POLN: variants seen among roughly 807,000 people sequenced by gnomAD.
POLN encodes DNA polymerase nu.
Under a neutral mutation model 113.5 loss-of-function variants are expected in POLN, and 108 were observed. The ratio of observed to expected loss-of-function variants is 0.95; its 90% CI spans 0.81 to 1.12. The LOEUF (loss-of-function observed/expected upper bound fraction) is 1.12. Ranked by LOEUF, POLN falls within the 50% of genes most tolerant of loss-of-function variation. POLN has a pLI of 0.00. For synonymous variants in POLN, 386 were observed against 391.5 expected (o/e 0.99, Z 0.17); for missense variants, 1,097 against 1,077.1 (o/e 1.02, Z -0.26).
intron 23 of POLN, chr4:2,080,372 C>T: frequency 2.9e-6 from 3 of 1,021,158 alleles, no homozygotes; most frequent in Non-Finnish European, 3.5e-6. Flanking sequence ...GCGGAGCCCC[C>T]CCCCACCAAG....
chr4:2,096,118 A>G (rs1392147237), intron 19 of POLN, among the ~76,000 whole-genome samples, 185 bp from the exon 20 acceptor site: 1 of 152,224 alleles, frequency 6.6e-6, no homozygotes, highest in Non-Finnish European at 1.5e-5. Flanking sequence ...GGCCCCAGGC[A>G]GATGCCTTCG....
chr4:2,086,695 G>A (rs762543311), intron 20 of POLN, among the ~76,000 whole-genome samples: 1 of 152,172 alleles, frequency 6.6e-6, no homozygotes, highest in African/African-American at 2.4e-5. Context: ...GGAAAGCCTT[G>A]GCCCTGGGGA....
At chr4:2,189,430 G>T (rs1733378735) in intron 7 of POLN, among the ~76,000 whole-genome samples, 1 of 151,578 alleles carries the variant, frequency 6.6e-6, no homozygotes, top group African/African-American at 2.4e-5. Flanking sequence ...ACGAGGTCAG[G>T]AGAACGAGAC....
chr4:2,108,768 A>G (rs1025731936), intron 19 of POLN, among the ~76,000 whole-genome samples: 1 of 152,030 alleles, frequency 6.6e-6, no homozygotes, highest in Non-Finnish European at 1.5e-5. Context: ...CACCCCAGAC[A>G]GTGCCAGAAG....
chr4:2,100,085 AG>A (rs67860608), intron 19 of POLN, among the ~76,000 whole-genome samples: 16 of 149,684 alleles, frequency 1.1e-4, no homozygotes, highest in East Asian at 7.8e-4. Context: ...AGAAAAAAAA[AG>A]AAAAAGAAAA....
chr4:2,177,300 C>T, intron 8 of POLN: 1 of 484,960 alleles, frequency 2.1e-6, no homozygotes, highest in South Asian at 1.5e-5. Flanking sequence ...CCTCCTTCTC[C>T]CCAGGTTGGT....
intron 23 of POLN, among the ~76,000 whole-genome samples, chr4:2,077,645 G>C (rs905358551): frequency 6.6e-6 from 1 of 152,250 alleles, no homozygotes; most frequent in African/African-American, 2.4e-5. Flanking sequence ...AGAAACCTCA[G>C]AAAAGGCACT....
intron 21 of POLN, among the ~76,000 whole-genome samples, chr4:2,084,733 A>T (rs373927237): frequency 1.3e-5 from 2 of 152,330 alleles, no homozygotes; most frequent in East Asian, 3.9e-4. Context: ...CACCCAGAGG[A>T]AACAGGCCGC....
chr4:2,081,213 C>A, intron 22 of POLN, 177 bp from the exon 23 acceptor site: 1 of 1,554,458 alleles, frequency 6.4e-7, no homozygotes, highest in Non-Finnish European at 8.6e-7. Context: ...TTGCTCCTCC[C>A]GCCCTCTTGC....
At chr4:2,208,727 C>G (rs1046650982) in intron 4 of POLN, among the ~76,000 whole-genome samples, 1 of 152,138 alleles carries the variant, frequency 6.6e-6, no homozygotes, top group Admixed American at 6.6e-5. Context: ...TGGTGGCTCA[C>G]GCCTGTAATC....
Position 2,126,146 on chromosome 4 carries a change from C to T in POLN, c.1982+1967G>A, listed in dbSNP as rs532614403. ...CCACCATGTGCTGTGCTCGTCACAT[C>T]GACCCGGTACAGTGCCTCTTCCTGT... On this transcript the variant is annotated intron_variant, in intron 19 of 25. Coordinates refer to ENST00000511885, the MANE Select transcript of POLN (RefSeq NM_181808.4). This position sits in a 1 kb window ranked among gnomAD's most constrained non-coding sequence, Gnocchi z 4.6. 1.3e-5 allele frequency among the ~76,000 whole-genome samples: 2 copies of T among 152,196 alleles called. No individual in the cohort carries two copies. Among genetic ancestry groups the T allele is most frequent in the African/African-American group, 4.8e-5 (2 of 41,432 alleles).
intron 19 of POLN, among the ~76,000 whole-genome samples, chr4:2,115,277 AG>A (rs1347684742): frequency 6.8e-6 from 1 of 147,992 alleles, no homozygotes; most frequent in Non-Finnish European, 1.5e-5. Context: ...CATGTTGGCC[AG>A]GCTGGTTTCG....
At position 2,241,643 on chromosome 4, in the gene POLN, G is replaced by C. The variant is rs7671997; in HGVS notation, c.-136C>G. The stretch of plus-strand genomic sequence containing the variant: ...TGCTTCGGGCCGGCCTTCAGCCAGC[G>C]CTGAGGCAGCCCCGACGCCAGGGCC... On this transcript the variant is annotated 5_prime_UTR_variant, in exon 2 of 26. Transcript: ENST00000511885. 50,031 of 985,436 alleles carry C rather than the reference G, an allele frequency of 0.051. 1,684 individuals carry two copies. Among genetic ancestry groups the C allele is most frequent in the African/African-American group, 0.16 (9,097 of 57,358 alleles). 61.0% of individuals were successfully genotyped at this position (985,436 alleles called of 1,614,324 possible). A position where few individuals can be genotyped will look rare whatever the true frequency, so the allele number is the denominator to read the frequency against.
Position 2,095,897 on chromosome 4 carries a change from G to A in POLN, c.2019C>T (p.Asp673=). The A allele has an allele frequency of 6.2e-7, 1 of 1,614,144 alleles. No individual in the cohort carries two copies. The change falls in exon 20 of 26, where the codon GAC becomes GAT. Residue 673 remains aspartate, a synonymous_variant. Coordinates refer to ENST00000511885, the MANE Select transcript of POLN (RefSeq NM_181808.4). ...ACACCACCTTCTTGGTTTGCTCTCT[G>A]TCTGCGTGTGTCACCTGTTCCACGG... ...DVPVEQVTHA[D]REQTKKVVYA...
intron 7 of POLN, among the ~76,000 whole-genome samples, chr4:2,184,193 G>T: frequency 7.0e-6 from 1 of 142,312 alleles, no homozygotes; most frequent in African/African-American, 2.6e-5. Flanking sequence ...TACATATCTT[G>T]CAAAATTGAC....
chr4:2,207,734 T>C (rs1175091469), intron 5 of POLN, among the ~76,000 whole-genome samples: 3 of 152,136 alleles, frequency 2.0e-5, no homozygotes, highest in Non-Finnish European at 4.4e-5. Flanking sequence ...ACAACATGTG[T>C]TGACAAGGAG....
At chr4:2,158,236 G>A (rs1732488289) in intron 14 of POLN, among the ~76,000 whole-genome samples, 1 of 152,142 alleles carries the variant, frequency 6.6e-6, no homozygotes, top group African/African-American at 2.4e-5. Flanking sequence ...ACAGGTGTGA[G>A]CCACCATGCC....
chr4:2,115,226 A>T (rs202020840), intron 19 of POLN, among the ~76,000 whole-genome samples: 1,698 of 107,508 alleles, frequency 0.016, 14 homozygotes, highest in Middle Eastern at 0.06. Context: ...ATATATATAT[A>T]TATTTTTTTT....
At chr4:2,086,604 C>T (rs1213039159) in intron 20 of POLN, among the ~76,000 whole-genome samples, 1 of 152,194 alleles carries the variant, frequency 6.6e-6, no homozygotes, top group Non-Finnish European at 1.5e-5. Flanking sequence ...CTCCCATTTT[C>T]CTCCAGAAGA....
Sources: gnomAD v4.1 joint callset for allele counts (sites outside exome capture counted in the v4.1 genomes callset) on GRCh38, gnomAD v4.1.1 for gene constraint, Gnocchi (gnomAD v3.1) non-coding constraint, MANE v1.5 for transcripts, NCBI Gene and HGNC (gene_info 2026-07-23, HGNC 2026-07-21) for gene names.